The following TRDN variants were observed in gnomAD, a reference collection of about 807,000 sequenced individuals.
The protein encoded by TRDN is triadin, also known as triadin in skeletal muscle.
In TRDN, 161 loss-of-function variants were observed where a neutral mutation model predicts 149.7. The ratio of observed to expected loss-of-function variants is 1.08; its 90% confidence interval spans 0.95 to 1.23. The LOEUF (loss-of-function observed/expected upper bound fraction) is 1.23. Ranked by LOEUF, TRDN falls within the 50% of genes most tolerant of loss-of-function variation. TRDN has a pLI of 0.00. For missense variants in TRDN, 896 were observed against 823.5 expected (o/e 1.09, Z -1.08); for synonymous variants, 294 against 250.5 (o/e 1.17, Z -1.64).
rs1347432908 is a variant in TRDN, at chr6:123,413,716, T to C, written c.1052-20039A>G. ...GCATTCTTGAAGGTATTTTTTCACA[T>C]AAAATTGTAACAAATTTCATTGGCT... On this transcript the variant is annotated intron_variant, in intron 12 of 40. Coordinates refer to ENST00000334268, the MANE Select transcript of TRDN (RefSeq NM_006073.4). 2.0e-5 allele frequency among the ~76,000 whole-genome samples: 3 copies of C among 152,242 alleles called. No individual in the cohort carries two copies. In the East Asian group the frequency reaches 5.8e-4, roughly 29 times the overall value.
chr6:123,271,748 C>T (rs1777213574), intron 29 of TRDN, among the ~76,000 whole-genome samples: 1 of 151,954 alleles, frequency 6.6e-6, no homozygotes, highest in South Asian at 2.1e-4. Flanking sequence ...TGAAATTAAA[C>T]TTCTCAAGCA....
chr6:123,248,665 A>G (rs896235575), intron 38 of TRDN, among the ~76,000 whole-genome samples: 1 of 152,166 alleles, frequency 6.6e-6, no homozygotes, highest in Admixed American at 6.6e-5. Context: ...ACTCACCAAG[A>G]TCGAATCAAG....
chr6:123,318,879 G>T (rs1245758836), intron 23 of TRDN, among the ~76,000 whole-genome samples: 1 of 152,034 alleles, frequency 6.6e-6, no homozygotes, highest in African/African-American at 2.4e-5. Context: ...CCTATGAAAA[G>T]GTATTATCTA....
chr6:123,329,473 C>T lies in TRDN; in HGVS notation c.1471+2406G>A, dbSNP rs76122425. On this transcript the variant is annotated intron_variant, in intron 23 of 40. Coordinates refer to ENST00000334268, the MANE Select transcript of TRDN (RefSeq NM_006073.4). ...AAGATTTATTTGAGATGTGACTGTT[C>T]CAATATGTGTGAGATGGTGGTGATC... Among the ~76,000 whole-genome samples, 462 of 152,058 alleles carry T rather than the reference C, an allele frequency of 3.0e-3. 15 individuals are homozygous for T. The East Asian group carries it at 0.076, about 25-fold the overall frequency.
At chr6:123,298,544 C>T (rs1778289568) in intron 24 of TRDN, among the ~76,000 whole-genome samples, 1 of 151,912 alleles carries the variant, frequency 6.6e-6, no homozygotes, top group Non-Finnish European at 1.5e-5. Flanking sequence ...CATTTGTCTC[C>T]CCAGATAGAG....
chr6:123,353,702 A>G (rs899619556), intron 20 of TRDN, among the ~76,000 whole-genome samples: 1 of 151,694 alleles, frequency 6.6e-6, no homozygotes, highest in Non-Finnish European at 1.5e-5. Context: ...ACCTTTAATT[A>G]TATCTGTTGA....
At chr6:123,406,842 AT>A in intron 12 of TRDN, among the ~76,000 whole-genome samples, 1 of 152,166 alleles carries the variant, frequency 6.6e-6, no homozygotes, top group East Asian at 1.9e-4. Context: ...AGGTTTACTG[AT>A]TCAAAAACAA....
At chr6:123,334,799 T>C (rs1779802173) in intron 22 of TRDN, among the ~76,000 whole-genome samples, 1 of 152,022 alleles carries the variant, frequency 6.6e-6, no homozygotes, top group African/African-American at 2.4e-5. Flanking sequence ...CCCCAGTGAC[T>C]CATGGTTATC....
chr6:123,393,086 G>A (rs1317183947), intron 13 of TRDN, among the ~76,000 whole-genome samples: 2 of 151,952 alleles, frequency 1.3e-5, no homozygotes, highest in Admixed American at 6.6e-5. Flanking sequence ...GGTGTGAGAC[G>A]AAACCACTTT....
At chr6:123,257,019 G>T (rs1005623539) in intron 35 of TRDN, among the ~76,000 whole-genome samples, 2 of 148,782 alleles carry the variant, frequency 1.3e-5, no homozygotes, top group African/African-American at 2.5e-5. Flanking sequence ...TCTCACTCTG[G>T]CACCAAGCTA....
In TRDN at chr6:123,218,468, C is replaced by T; in HGVS notation, c.*133G>A. ...AATCCATTTGGCCACCCTTTCCGTC[C>T]ACACCAGGCCAAAGAGCAAAATGTT... On this transcript the variant is annotated 3_prime_UTR_variant, in exon 41 of 41. Coordinates refer to ENST00000334268, the MANE Select transcript of TRDN (RefSeq NM_006073.4). The T allele has an allele frequency of 9.3e-7, 1 of 1,079,898 alleles. No individual in the cohort carries two copies. 66.9% of individuals were successfully genotyped at this position (1,079,898 alleles called of 1,614,324 possible). A position where few individuals can be genotyped will look rare whatever the true frequency, so the allele number is the denominator to read the frequency against.
intron 12 of TRDN, among the ~76,000 whole-genome samples, chr6:123,399,572 T>A (rs954819798): frequency 1.3e-5 from 2 of 152,162 alleles, no homozygotes; most frequent in Non-Finnish European, 2.9e-5. Flanking sequence ...ATGGAAGATA[T>A]GAAGTCCCAT....
intron 8 of TRDN, 107 bp from the exon 9 acceptor site, chr6:123,497,359 G>T: frequency 1.5e-6 from 1 of 679,810 alleles, no homozygotes; most frequent in Non-Finnish European, 2.3e-6. Flanking sequence ...ATTCTATTTT[G>T]GTTACTACAA....
intron 35 of TRDN, among the ~76,000 whole-genome samples, chr6:123,259,376 T>C (rs1285805938): frequency 1.3e-5 from 2 of 152,098 alleles, no homozygotes; most frequent in Admixed American, 6.6e-5. Flanking sequence ...TAGTTTTAAT[T>C]TAGTAGTAAC....
intron 40 of TRDN, 58 bp downstream of exon 40, chr6:123,221,429 A>T: frequency 7.8e-7 from 1 of 1,275,766 alleles, no homozygotes; most frequent in East Asian, 2.6e-5. Context: ...ATTTTTACAT[A>T]GATGTAGCAT....
At chr6:123,565,777 C>A (rs1487958725) in intron 2 of TRDN, among the ~76,000 whole-genome samples, 1 of 152,222 alleles carries the variant, frequency 6.6e-6, no homozygotes, top group African/African-American at 2.4e-5. Flanking sequence ...TTCAGCGTCT[C>A]CAAATCCTGG....
chr6:123,415,865 GAAC>G (rs1773627835), intron 12 of TRDN, among the ~76,000 whole-genome samples: 1 of 152,154 alleles, frequency 6.6e-6, no homozygotes. Flanking sequence ...TCAAAGCACA[GAAC>G]AACATCAGCG....
chr6:123,329,374 G>C (rs1187682985), intron 23 of TRDN, among the ~76,000 whole-genome samples: 1 of 152,108 alleles, frequency 6.6e-6, no homozygotes, highest in African/African-American at 2.4e-5. Context: ...CTTTTAAGGA[G>C]CTCTCTAATT....
intron 20 of TRDN, among the ~76,000 whole-genome samples, chr6:123,356,614 C>T (rs1023728710): frequency 3.5e-5 from 5 of 143,754 alleles, no homozygotes; most frequent in African/African-American, 1.3e-4. Flanking sequence ...GAGAATATTA[C>T]CTCTTTTTCT....
Sources: gnomAD v4.1 joint callset for allele counts (sites outside exome capture counted in the v4.1 genomes callset) on GRCh38, gnomAD v4.1.1 for gene constraint, MANE v1.5 for transcripts, NCBI Gene and HGNC (gene_info 2026-07-23, HGNC 2026-07-21) for gene names.